POM121C: variants seen among roughly 807,000 people sequenced by gnomAD.
The protein encoded by POM121C is POM121 transmembrane nucleoporin C.
Under a neutral mutation model 66.4 loss-of-function variants are expected in POM121C, and 20 were observed. That is an observed-to-expected ratio of 0.30 (90% CI 0.21 to 0.44). The LOEUF (loss-of-function observed/expected upper bound fraction) is 0.44, where lower values mean the gene tolerates loss of function less well. POM121C is among the 20% of genes least tolerant of loss of function. POM121C has a pLI of 1.00. For synonymous variants in POM121C, 286 were observed against 528.0 expected (o/e 0.54, Z 6.28); for missense variants, 580 against 1,225.7 (o/e 0.47, Z 7.87).
At position 75,437,593 on chromosome 7, in the gene POM121C, G is replaced by A. The variant is rs1554473185; in HGVS notation, c.402C>T (p.Gly134=). The change falls in exon 7 of 15, where the codon GGC becomes GGT. Residue 134 remains glycine, a synonymous_variant. Transcript: ENST00000615331. ...AGCTAGGGATGCCACTTGTGTAAGC[G>A]CCTGTCAAGGAGCTCATGGAAGAGC... The part of the protein sequence containing the change: ...SRSSSMSSLT[G]AYTSGIPSSS... 2.5e-6 allele frequency: 4 copies of A among 1,613,938 alleles called. No homozygotes were observed. Among genetic ancestry groups the A allele is most frequent in the South Asian group, 1.1e-5 (1 of 91,070 alleles).
intron 3 of POM121C, chr7:75,442,926 A>T: frequency 9.5e-6 from 7 of 734,804 alleles, no homozygotes; most frequent in Non-Finnish European, 1.2e-5. Flanking sequence ...GCTCCCAGCG[A>T]GACGATCCCG....
intron 1 of POM121C, among the ~76,000 whole-genome samples, chr7:75,482,271 C>A (rs1792334466): frequency 6.6e-6 from 1 of 152,124 alleles, no homozygotes; most frequent in Admixed American, 6.6e-5. Context: ...TATTCCTAGC[C>A]CCTTTTAAAA....
intron 6 of POM121C, 32 bp downstream of exon 6, chr7:75,439,112 T>C (rs587649928): frequency 3.7e-6 from 6 of 1,611,672 alleles, no homozygotes; most frequent in African/African-American, 1.3e-5. Flanking sequence ...TTCCAAACAG[T>C]TGGTATTTCA....
chr7:75,475,198 C>T lies in POM121C; in HGVS notation c.-457-10G>A. The T allele has an allele frequency of 7.9e-7, 1 of 1,270,598 alleles. No homozygotes were observed. The highest frequency in any genetic ancestry group is 1.1e-6 in the Non-Finnish European group (1 of 898,404). The allele number at this position is 1,270,598 out of a possible 1,614,324, so 78.7% of individuals were successfully genotyped here. The stretch of plus-strand genomic sequence containing the variant: ...TGAATGACACTGGCCCCTGTAATGG[C>T]AACATGATCAGAATTGGGAGATATG... On this transcript the variant is annotated splice_polypyrimidine_tract_variant and intron_variant, in intron 1 of 14. Coordinates refer to ENST00000615331, the MANE Select transcript of POM121C (RefSeq NM_001099415.3).
At chr7:75,436,824 T>C (rs1434042364) in intron 7 of POM121C, among the ~76,000 whole-genome samples, 1 of 152,090 alleles carries the variant, frequency 6.6e-6, no homozygotes, top group Non-Finnish European at 1.5e-5. Flanking sequence ...TCTCGCTCTG[T>C]TGCACAGGCT....
chr7:75,449,567 C>T (rs1168798800), intron 3 of POM121C, among the ~76,000 whole-genome samples: 1 of 152,058 alleles, frequency 6.6e-6, no homozygotes, highest in Admixed American at 6.6e-5. Flanking sequence ...AGGGTTTCAC[C>T]GTGTTAGCCA....
chr7:75,477,957 T>C (rs1554479625), intron 1 of POM121C, among the ~76,000 whole-genome samples: 1 of 152,058 alleles, frequency 6.6e-6, no homozygotes, highest in Non-Finnish European at 1.5e-5. Flanking sequence ...TTTGTTTTTT[T>C]GTTTTTGTTT....
intron 3 of POM121C, chr7:75,442,653 C>T (rs1554474263): frequency 6.8e-7 from 1 of 1,464,348 alleles, no homozygotes; most frequent in South Asian, 1.3e-5. Flanking sequence ...CGGCCCCGGC[C>T]GTCCCTGACA....
chr7:75,420,009 CCA>C (rs201970626), intron 13 of POM121C: 14 of 153,586 alleles, frequency 9.1e-5, no homozygotes, highest in Non-Finnish European at 1.6e-4. Context: ...CACGCTGCTT[CCA>C]CACAGTTTCT....
At chr7:75,426,950 G>A (rs1789966306) in intron 7 of POM121C, among the ~76,000 whole-genome samples, 1 of 148,612 alleles carries the variant, frequency 6.7e-6, no homozygotes, top group Non-Finnish European at 1.5e-5. Flanking sequence ...AATAAAGGTA[G>A]AAGGGATGGA....
At chr7:75,430,317 T>C (rs1238339863) in intron 7 of POM121C, among the ~76,000 whole-genome samples, 1 of 151,968 alleles carries the variant, frequency 6.6e-6, no homozygotes, top group Non-Finnish European at 1.5e-5. Context: ...GTAAGAAAAA[T>C]AGTCCAATGG....
chr7:75,474,943 T>C, intron 2 of POM121C, 61 bp from the exon 3 acceptor site: 1 of 1,176,104 alleles, frequency 8.5e-7, no homozygotes, highest in Non-Finnish European at 1.3e-6. Context: ...CAATGAAGAA[T>C]AATATAAACA....
In POM121C at chr7:75,479,177, A is replaced by C. The variant is rs187113494; in HGVS notation, c.-457-3989T>G. Among the ~76,000 whole-genome samples the C allele has an allele frequency of 3.9e-3, 597 of 152,310 alleles. 3 individuals are homozygous for C. The highest frequency in any genetic ancestry group is 0.014 in the African/African-American group (570 of 41,564). The stretch of plus-strand genomic sequence containing the variant: ...TGAAGACATTTGCAGACATATAATA[A>C]TTCATCATCAACTAGAAGAAATGTT... On this transcript the variant is annotated intron_variant, in intron 1 of 14. Coordinates refer to ENST00000615331, the MANE Select transcript of POM121C (RefSeq NM_001099415.3).
chr7:75,437,431 T>G, intron 7 of POM121C, 84 bp downstream of exon 7: 1 of 1,501,268 alleles, frequency 6.7e-7, no homozygotes, highest in Non-Finnish European at 8.9e-7. Context: ...TGGGATTACA[T>G]GGCTAAGCTA....
At chr7:75,477,284 T>A (rs1166960772) in intron 1 of POM121C, among the ~76,000 whole-genome samples, 1 of 152,046 alleles carries the variant, frequency 6.6e-6, no homozygotes, top group Non-Finnish European at 1.5e-5. Flanking sequence ...GGAATATAAC[T>A]AAGAAAAAGT....
At chr7:75,420,461 T>C (rs1450285601) in intron 13 of POM121C, 1 of 151,546 alleles carries the variant, frequency 6.6e-6, no homozygotes, top group Non-Finnish European at 1.5e-5. Flanking sequence ...ATACCCAGTG[T>C]CGCTGGGAAA....
At chr7:75,440,133 G>A (rs1299877608) in intron 5 of POM121C, among the ~76,000 whole-genome samples, 3 of 151,586 alleles carry the variant, frequency 2.0e-5, no homozygotes, top group Admixed American at 6.6e-5. Context: ...CACCCGCCTC[G>A]GCCTCTCAAG....
chr7:75,442,122 C>A lies in POM121C; in HGVS notation c.-151-475G>T, dbSNP rs1429817800. The A allele has an allele frequency of 6.6e-6, 9 of 1,368,454 alleles. No individual in the cohort carries two copies. In the African/African-American group the frequency reaches 1.1e-4, roughly 16 times the overall value. The allele number at this position is 1,368,454 out of a possible 1,614,324, so 84.8% of individuals were successfully genotyped here. A position where few individuals can be genotyped will look rare whatever the true frequency, so the allele number is the denominator to read the frequency against. ...CAAGCCAGCCGAGCCAGAGGATGAT[C>A]TGGGAAAATCAGCGCATCTCACCGT... On this transcript the variant is annotated intron_variant, in intron 3 of 14. Transcript: ENST00000615331.
At position 75,421,293 on chromosome 7, in the gene POM121C, A is replaced by T. The variant is rs1789696180; in HGVS notation, c.2743+216T>A. On this transcript the variant is annotated intron_variant, in intron 13 of 14. Transcript: ENST00000615331. The stretch of plus-strand genomic sequence containing the variant: ...GCCCAACCTTCAGCTTACAATTGTT[A>T]AGTACTCAGAAGGCCTTTGACCAGT... The T allele has an allele frequency of 5.4e-6, 7 of 1,292,088 alleles. No individual in the cohort carries two copies. In the South Asian group the frequency reaches 7.8e-5, roughly 14 times the overall value. The allele number at this position is 1,292,088 out of a possible 1,614,324, so 80.0% of individuals were successfully genotyped here.
Sources: allele counts gnomAD v4.1 joint callset (sites outside exome capture counted in the v4.1 genomes callset), GRCh38; gene constraint gnomAD v4.1.1; transcripts MANE v1.5; gene names NCBI Gene and HGNC (gene_info 2026-07-23, HGNC 2026-07-21).